Variants in CELF4 observed in about 807,000 individuals in gnomAD.
CELF4 encodes CUGBP Elav-like family member 4, also known as CUG-BP- and ETR-3-like factor 4.
Under a neutral mutation model 59.9 loss-of-function variants are expected in CELF4, and 18 were observed. The ratio of observed to expected loss-of-function variants is 0.30; its 90% confidence interval spans 0.21 to 0.45. CELF4 has a LOEUF of 0.45. CELF4 is among the 20% of genes least tolerant of loss of function. The pLI is 1.00. For missense variants in CELF4, 456 were observed against 689.0 expected, an observed-to-expected ratio of 0.66 and a Z score of 3.79; for synonymous variants, 261 against 267.1, an observed-to-expected ratio of 0.98 and a Z score of 0.22.
At chr18:37,388,681 C>T (rs983214080) in intron 2 of CELF4, among the ~76,000 whole-genome samples, 1 of 152,146 alleles carries the variant, frequency 6.6e-6, no homozygotes, top group Non-Finnish European at 1.5e-5. Flanking sequence ...GCAATAAGTG[C>T]GGTGGGGAGG....
At chr18:37,393,719 G>T (rs2099196891) in intron 2 of CELF4, among the ~76,000 whole-genome samples, 1 of 151,964 alleles carries the variant, frequency 6.6e-6, no homozygotes, top group African/African-American at 2.4e-5. Context: ...TTGGTGACAG[G>T]TGCCCATCTA....
intron 11 of CELF4, among the ~76,000 whole-genome samples, chr18:37,255,266 C>T (rs1182838812): frequency 6.6e-6 from 1 of 151,934 alleles, no homozygotes; most frequent in Non-Finnish European, 1.5e-5. Context: ...TGTGGTACCT[C>T]GGGCCTGCCT....
chr18:37,454,498 T>C (rs1295815769), intron 2 of CELF4, among the ~76,000 whole-genome samples: 2 of 152,170 alleles, frequency 1.3e-5, no homozygotes, highest in Non-Finnish European at 2.9e-5. Flanking sequence ...TCTTGTGACC[T>C]TATCTGTTGT....
At chr18:37,451,448 G>A (rs973143911) in intron 2 of CELF4, among the ~76,000 whole-genome samples, 1 of 152,198 alleles carries the variant, frequency 6.6e-6, no homozygotes, top group Non-Finnish European at 1.5e-5. Context: ...GCATGTGCAT[G>A]TGCAGTATGT....
At chr18:37,264,834 T>G (rs557510587) in intron 9 of CELF4, 77 bp from the exon 10 acceptor site, 20 of 1,264,908 alleles carry the variant, frequency 1.6e-5, no homozygotes, top group East Asian at 2.5e-5. Flanking sequence ...GAGATTTCAG[T>G]GCAGGCAGTA....
intron 2 of CELF4, among the ~76,000 whole-genome samples, chr18:37,392,515 G>T (rs1397913050): frequency 6.6e-6 from 1 of 152,178 alleles, no homozygotes; most frequent in Non-Finnish European, 1.5e-5. Context: ...AAGAGGCAGC[G>T]CTCACTGCAA....
At chr18:37,314,226 C>A (rs1338280851) in intron 3 of CELF4, among the ~76,000 whole-genome samples, 1 of 152,182 alleles carries the variant, frequency 6.6e-6, no homozygotes, top group Non-Finnish European at 1.5e-5. Context: ...GCAGGTGGAT[C>A]ATTTGAGGTT....
chr18:37,342,825 A>G (rs2098106454), intron 2 of CELF4, among the ~76,000 whole-genome samples: 1 of 152,098 alleles, frequency 6.6e-6, no homozygotes, highest in Admixed American at 6.6e-5. Context: ...GAATCTCACC[A>G]CTCCCATTAG....
chr18:37,341,595 A>G (rs1355350087), intron 2 of CELF4, among the ~76,000 whole-genome samples: 1 of 152,152 alleles, frequency 6.6e-6, no homozygotes, highest in Non-Finnish European at 1.5e-5. Flanking sequence ...CTGGTCCAAC[A>G]TGGGCACAGG....
intron 1 of CELF4, among the ~76,000 whole-genome samples, chr18:37,486,670 G>T (rs2099881955): frequency 6.6e-6 from 1 of 152,230 alleles, no homozygotes. Context: ...GAATGTTCTG[G>T]TGAACAGTCA....
intron 3 of CELF4, among the ~76,000 whole-genome samples, chr18:37,297,467 G>T (rs1264820669): frequency 6.6e-6 from 1 of 152,202 alleles, no homozygotes; most frequent in African/African-American, 2.4e-5. Context: ...CGGGACCACT[G>T]TCCCCAGGAG....
intron 2 of CELF4, among the ~76,000 whole-genome samples, chr18:37,443,344 G>C (rs1027122345): frequency 1.3e-5 from 2 of 152,020 alleles, no homozygotes; most frequent in Admixed American, 6.5e-5. Context: ...ACAGGGGAGT[G>C]GGGGGAGGGT....
At chr18:37,471,836 C>T (rs1439331863) in intron 2 of CELF4, among the ~76,000 whole-genome samples, 2 of 152,226 alleles carry the variant, frequency 1.3e-5, no homozygotes, top group Non-Finnish European at 2.9e-5. Context: ...AATTACAAAC[C>T]TTCTCCCAGG....
intron 1 of CELF4, among the ~76,000 whole-genome samples, chr18:37,517,444 T>C (rs1319810644): frequency 6.6e-6 from 1 of 152,076 alleles, no homozygotes; most frequent in African/African-American, 2.4e-5. Flanking sequence ...TGTCTGTCGG[T>C]GCTGAGCTCA....
chr18:37,444,938 G>A (rs1228470612), intron 2 of CELF4, among the ~76,000 whole-genome samples: 1 of 152,180 alleles, frequency 6.6e-6, no homozygotes, highest in Non-Finnish European at 1.5e-5. Context: ...TGTGCGTGAC[G>A]CGGGCTCCTG....
chr18:37,296,693 C>T (rs1231443703), intron 3 of CELF4, among the ~76,000 whole-genome samples: 1 of 152,168 alleles, frequency 6.6e-6, no homozygotes, highest in Non-Finnish European at 1.5e-5. Context: ...TGGCAGTCCT[C>T]CCCAATCTTG....
intron 3 of CELF4, among the ~76,000 whole-genome samples, chr18:37,284,384 C>T (rs2094526978): frequency 6.6e-6 from 1 of 152,196 alleles, no homozygotes; most frequent in Non-Finnish European, 1.5e-5. Flanking sequence ...AGGCCTGGCC[C>T]CTCTCCTCTG....
At chr18:37,476,804 C>A (rs905405170) in intron 2 of CELF4, among the ~76,000 whole-genome samples, 2 of 152,208 alleles carry the variant, frequency 1.3e-5, no homozygotes, top group Non-Finnish European at 2.9e-5. Flanking sequence ...CGGATTCATG[C>A]AGGCACAGCC....
At chr18:37,517,116 G>C (rs2099951572) in intron 1 of CELF4, among the ~76,000 whole-genome samples, 1 of 152,152 alleles carries the variant, frequency 6.6e-6, no homozygotes, top group African/African-American at 2.4e-5. Context: ...ACTTAGCACT[G>C]AGAGAGCCAG....
Sources: gnomAD v4.1 joint callset for allele counts (sites outside exome capture counted in the v4.1 genomes callset) on GRCh38, gnomAD v4.1.1 for gene constraint, MANE v1.5 for transcripts, NCBI Gene and HGNC (gene_info 2026-07-23, HGNC 2026-07-21) for gene names.